The following COL9A2 variants were observed in gnomAD, a reference collection of about 807,000 sequenced individuals.
COL9A2 encodes collagen alpha-2(IX) chain.
COL9A2 carries 66 observed loss-of-function variants against 111.6 expected under a neutral mutation model. That is an observed-to-expected ratio of 0.59 (90% CI 0.48 to 0.73). The LOEUF is 0.73. COL9A2 is among the 30% of genes least tolerant of loss of function. The pLI is 0.00. For synonymous variants in COL9A2, 353 were observed against 364.1 expected, an observed-to-expected ratio of 0.97 and a Z score of 0.35; for missense variants, 881 against 954.1, an observed-to-expected ratio of 0.92 and a Z score of 1.01.
chr1:40,311,512 A>G lies in COL9A2; in HGVS notation c.507T>C (p.Ser169=). Residue 169 remains serine, a synonymous_variant, in exon 10 of 32, where the codon AGT becomes AGC. Transcript: ENST00000372748. The surrounding 1 kb of genome is among the most constrained non-coding windows in gnomAD (Gnocchi z 5.1). ...RPGTIQGLEG[S]ADFLCPTNCP... Reference sequence around the variant, plus strand: ...CCTCGTCTCTCACCAGGAAATCCGCACTGCCTTCCAGACCCTGGATGGTTC... The same window carrying G: ...CCTCGTCTCTCACCAGGAAATCCGCGCTGCCTTCCAGACCCTGGATGGTTC... 1 of 1,534,348 alleles carries G rather than the reference A, an allele frequency of 6.5e-7. No homozygotes were observed. Among genetic ancestry groups the G allele is most frequent in the African/African-American group, 1.5e-5 (1 of 68,064 alleles).
intron 19 of COL9A2, 102 bp from the exon 20 acceptor site, chr1:40,306,289 G>A: frequency 9.7e-6 from 13 of 1,339,434 alleles, no homozygotes; most frequent in South Asian, 8.3e-5. Context: ...CCCACCTGTG[G>A]GAGCTGAACA....
At position 40,303,880 on chromosome 1, in the gene COL9A2, C is replaced by T. The variant is rs1643960791; in HGVS notation, c.1369-41G>A. ...GCAGCGGTCACGAAGCCGCGGGGAC[C>T]CCGGGGCCAGCCGCCGCTCCCCGCC... is the stretch of plus-strand genomic sequence containing the variant. On this transcript the variant is annotated intron_variant, in intron 26 of 31. Coordinates refer to ENST00000372748, the MANE Select transcript of COL9A2 (RefSeq NM_001852.4). This position sits in a 1 kb window ranked among gnomAD's most constrained non-coding sequence, Gnocchi z 4.6. 6.5e-7 allele frequency: 1 copy of T among 1,549,456 alleles called. No homozygotes were observed. Among genetic ancestry groups the T allele is most frequent in the South Asian group, 1.2e-5 (1 of 84,034 alleles).
In COL9A2 at chr1:40,302,909, G is replaced by A; in HGVS notation, c.1604-100C>T. 7.7e-7 allele frequency: 1 copy of A among 1,304,566 alleles called. No individual in the cohort carries two copies. Among genetic ancestry groups the A allele is most frequent in the Non-Finnish European group, 1.1e-6 (1 of 935,876 alleles). The allele number at this position is 1,304,566 out of a possible 1,614,324, so 80.8% of individuals were successfully genotyped here. On this transcript the variant is annotated intron_variant, in intron 29 of 31. Transcript: ENST00000372748. The surrounding 1 kb of genome is among the most constrained non-coding windows in gnomAD (Gnocchi z 4.5). ...GCATTCCGATGGGCCCTGGCCCCTA[G>A]GTTTGCAGACAGAAAAGCACCACCT...
At position 40,302,598 on chromosome 1, in the gene COL9A2, G is replaced by C; in HGVS notation, c.1792+23C>G. 1 of 1,585,302 alleles carries C rather than the reference G, an allele frequency of 6.3e-7. No individual in the cohort carries two copies. On this transcript the variant is annotated intron_variant, in intron 30 of 31. Coordinates refer to ENST00000372748, the MANE Select transcript of COL9A2 (RefSeq NM_001852.4). This position sits in a 1 kb window ranked among gnomAD's most constrained non-coding sequence, Gnocchi z 4.5. ...CAAATCCTCACTGCCTGGCCCCCAT[G>C]CCCACCGCAGAGGAGCACTCACCCT...
At position 40,312,475 on chromosome 1, in the gene COL9A2, G is replaced by C; in HGVS notation, c.344C>G (p.Pro115Arg). The C allele has an allele frequency of 6.2e-7, 1 of 1,613,812 alleles. No individual in the cohort carries two copies. Among genetic ancestry groups the C allele is most frequent in the South Asian group, 1.1e-5 (1 of 91,000 alleles). ...GLPGPPGLPG[P>R]GFAGPPGPPG... is the part of the protein sequence containing the mutation. ...ACTTACAGGAGGTCCAGCAAAACCAGGGCCCTGGAACAGAAAGAAAGAAAA... is the reference window on the plus strand; with the variant it reads ...ACTTACAGGAGGTCCAGCAAAACCACGGCCCTGGAACAGAAAGAAAGAAAA... The change falls in exon 7 of 32, where the codon CCT becomes CGT. Residue 115 changes from proline to arginine, a missense_variant. Coordinates refer to ENST00000372748, the MANE Select transcript of COL9A2 (RefSeq NM_001852.4). This position sits in a 1 kb window ranked among gnomAD's most constrained non-coding sequence, Gnocchi z 6.0.
Position 40,303,557 on chromosome 1 carries a change from T to C in COL9A2, c.1521A>G (p.Pro507=). The part of the protein sequence containing the change: ...PRGLAGNRGV[P]GQPGRQGVEG... ...CCACGCCCTGTCTCCCGGGCTGTCCTGGCACGCCTCGGTTCCCGGCCAGTC... is the reference window on the plus strand; with the variant it reads ...CCACGCCCTGTCTCCCGGGCTGTCCCGGCACGCCTCGGTTCCCGGCCAGTC... Residue 507 remains proline, a synonymous_variant, in exon 28 of 32, where the codon CCA becomes CCG. Coordinates refer to ENST00000372748, the MANE Select transcript of COL9A2 (RefSeq NM_001852.4). The surrounding 1 kb of genome is among the most constrained non-coding windows in gnomAD (Gnocchi z 4.6). 6.2e-7 allele frequency: 1 copy of C among 1,612,248 alleles called. No individual in the cohort carries two copies. Among genetic ancestry groups the C allele is most frequent in the Non-Finnish European group, 8.5e-7 (1 of 1,179,646 alleles).
chr1:40,311,267 G>T lies in COL9A2; in HGVS notation c.539C>A (p.Pro180His), dbSNP rs1644119750. The T allele has an allele frequency of 2.5e-6, 4 of 1,614,102 alleles. No homozygotes were observed. Among genetic ancestry groups the T allele is most frequent in the South Asian group, 1.1e-5 (1 of 91,062 alleles). ...CAGCCCTGGGGGACCTTTCATTCCG[G>T]GTGGACAGTTGGTTGGACACTGGAA... ...ADFLCPTNCP[P>H]GMKGPPGLQG... The change falls in exon 11 of 32, where the codon CCC (proline) becomes CAC (histidine). Residue 180 changes from proline to histidine, a missense_variant. By Grantham distance (77) the Pro-to-His change is moderately conservative (BLOSUM62 -2). Transcript: ENST00000372748. The surrounding 1 kb of genome is among the most constrained non-coding windows in gnomAD (Gnocchi z 5.1).
In COL9A2 at chr1:40,316,877, G is replaced by T. The variant is rs1364330509; in HGVS notation, c.75+246C>A. Reference sequence around the variant, plus strand: ...CGCCAGCTCCTGCCCCACGCTGCCTGTCCCGGGCCGGGCCGCGCGTCTGGG... The same window carrying T: ...CGCCAGCTCCTGCCCCACGCTGCCTTTCCCGGGCCGGGCCGCGCGTCTGGG... On this transcript the variant is annotated intron_variant, in intron 1 of 31. Coordinates refer to ENST00000372748, the MANE Select transcript of COL9A2 (RefSeq NM_001852.4). The surrounding 1 kb of genome is among the most constrained non-coding windows in gnomAD (Gnocchi z 5.5). Among the ~76,000 whole-genome samples the T allele has an allele frequency of 1.3e-5, 2 of 152,196 alleles. No homozygotes were observed. Among genetic ancestry groups the T allele is most frequent in the Admixed American group, 1.3e-4 (2 of 15,288 alleles).
chr1:40,308,028 G>A (rs1644057897), intron 17 of COL9A2, among the ~76,000 whole-genome samples, 164 bp downstream of exon 17: 1 of 152,194 alleles, frequency 6.6e-6, no homozygotes, highest in South Asian at 2.1e-4. Flanking sequence ...CTGTTTACAG[G>A]TGAAGAAACT....
Position 40,305,780 on chromosome 1 carries a change from C to T in COL9A2, c.1054-12G>A. The T allele has an allele frequency of 6.2e-7, 1 of 1,613,926 alleles. No homozygotes were observed. Among genetic ancestry groups the T allele is most frequent in the South Asian group, 1.1e-5 (1 of 91,076 alleles). On this transcript the variant is annotated splice_polypyrimidine_tract_variant and intron_variant, in intron 20 of 31. Transcript: ENST00000372748. Reference sequence around the variant, plus strand: ...GGGCCCGGCTCACCCTGCAGGAAAACAGTTCTCAGGTCAGTCTGGGTGGCC... The same window carrying T: ...GGGCCCGGCTCACCCTGCAGGAAAATAGTTCTCAGGTCAGTCTGGGTGGCC...
chr1:40,315,766 C>G, intron 1 of COL9A2, 102 bp from the exon 2 acceptor site: 1 of 734,356 alleles, frequency 1.4e-6, no homozygotes. Context: ...AGGGGCGCAG[C>G]TCTTCCGCGA....
At chr1:40,304,167 G>A in intron 24 of COL9A2, 68 bp from the exon 25 acceptor site, 1 of 1,516,942 alleles carries the variant, frequency 6.6e-7, no homozygotes, top group Non-Finnish European at 8.8e-7. Flanking sequence ...CCTAACTTTC[G>A]GCCACACCCC....
rs771473898 is a variant in COL9A2, at chr1:40,312,587, G to A, written c.326C>T (p.Pro109Leu). The A allele has an allele frequency of 4.3e-6, 7 of 1,614,040 alleles. No individual in the cohort carries two copies. Among genetic ancestry groups the A allele is most frequent in the Admixed American group, 1.7e-5 (1 of 59,998 alleles). The change falls in exon 6 of 32, where the codon CCT becomes CTT. Residue 109 changes from proline (P) to leucine (L), a missense_variant. By Grantham distance (98) the Pro-to-Leu change is moderately conservative (BLOSUM62 -3). Coordinates refer to ENST00000372748, the MANE Select transcript of COL9A2 (RefSeq NM_001852.4). The surrounding 1 kb of genome is among the most constrained non-coding windows in gnomAD (Gnocchi z 6.0). The part of the protein sequence containing the change: ...GVKGQPGLPG[P>L]PGLPGPGFAG... ...GGTTGTACTCACCGGAAGGCCAGGA[G>A]GACCAGGAAGCCCGGGCTGGCCCTG...
rs1363668157 is a variant in COL9A2, at chr1:40,311,008, A to G, written c.630+85T>C. The stretch of plus-strand genomic sequence containing the variant: ...CTCTGTCCCCAGAACCCACAGGGGA[A>G]GGGGAAGGGACGAAGAAGGGGACAG... On this transcript the variant is annotated intron_variant, in intron 12 of 31. Transcript: ENST00000372748. This position sits in a 1 kb window ranked among gnomAD's most constrained non-coding sequence, Gnocchi z 5.1. 6.5e-7 allele frequency: 1 copy of G among 1,540,226 alleles called. No homozygotes were observed. Among genetic ancestry groups the G allele is most frequent in the Non-Finnish European group, 9.0e-7 (1 of 1,113,042 alleles).
In COL9A2 at chr1:40,311,429, CGTGGCCCCGCCTCCCCATCTCT is replaced by C. The variant is rs1644123754; in HGVS notation, c.519+49_519+70del. The C allele has an allele frequency of 2.5e-6, 4 of 1,583,756 alleles. No individual in the cohort carries two copies. The highest frequency in any genetic ancestry group is 1.7e-5 in the Admixed American group (1 of 59,398). On this transcript the variant is annotated intron_variant, in intron 10 of 31. Coordinates refer to ENST00000372748, the MANE Select transcript of COL9A2 (RefSeq NM_001852.4). This position sits in a 1 kb window ranked among gnomAD's most constrained non-coding sequence, Gnocchi z 5.1. ...CCATCTCTCCAGACACCCCCATCTC[CGTGGCCCCGCCTCCCCATCTCT>C]GTGGCCCCGCCCCCCTGTGTTAGCC...
chr1:40,302,034 T>C lies in COL9A2; in HGVS notation c.1793-145A>G. ...GTTGGAAATGGTCACGCAGGGCTTG[T>C]TAAATAAAGGAAGGTGCAGACAAAG... On this transcript the variant is annotated intron_variant, in intron 30 of 31. Coordinates refer to ENST00000372748, the MANE Select transcript of COL9A2 (RefSeq NM_001852.4). The surrounding 1 kb of genome is among the most constrained non-coding windows in gnomAD (Gnocchi z 4.5). 1 of 778,522 alleles carries C rather than the reference T, an allele frequency of 1.3e-6. No homozygotes were observed. Among genetic ancestry groups the C allele is most frequent in the South Asian group, 1.6e-5 (1 of 64,292 alleles). 48.2% of individuals were successfully genotyped at this position (778,522 alleles called of 1,614,324 possible). A position where few individuals can be genotyped will look rare whatever the true frequency, so the allele number is the denominator to read the frequency against.
rs146173817 is a variant in COL9A2 at position 40,300,931 on chromosome 1, G to A, written c.*251C>T. On this transcript the variant is annotated 3_prime_UTR_variant, in exon 32 of 32. Transcript: ENST00000372748. This position sits in a 1 kb window ranked among gnomAD's most constrained non-coding sequence, Gnocchi z 4.4. ...AATGATGCTCGCTGGAAGGAAAGCC[G>A]CCCTATTCCTTCAGCGCTTCGACTC... 418 of 510,340 alleles carry A rather than the reference G, an allele frequency of 8.2e-4. 3 individuals are homozygous for A. Among genetic ancestry groups the A allele is most frequent in the African/African-American group, 6.5e-3 (340 of 52,368 alleles). The allele number at this position is 510,340 out of a possible 1,614,324, so 31.6% of individuals were successfully genotyped here.
At chr1:40,306,071 G>T in intron 20 of COL9A2, 72 bp downstream of exon 20, 1 of 1,565,606 alleles carries the variant, frequency 6.4e-7, no homozygotes, top group Non-Finnish European at 8.8e-7. Context: ...CTTGGCTGAG[G>T]CCTGGGCCTT....
rs540699848 is a variant in COL9A2 at position 40,310,362 on chromosome 1, C to T, written c.685-45G>A. ...ACAGCAATGGCAATTGCAAGGCCCACTTCATGATACCTTGTCTGATGCCCA... is the reference window on the plus strand; with the variant it reads ...ACAGCAATGGCAATTGCAAGGCCCATTTCATGATACCTTGTCTGATGCCCA... On this transcript the variant is annotated intron_variant, in intron 13 of 31. Coordinates refer to ENST00000372748, the MANE Select transcript of COL9A2 (RefSeq NM_001852.4). The surrounding 1 kb of genome is among the most constrained non-coding windows in gnomAD (Gnocchi z 4.9). 6.3e-7 allele frequency: 1 copy of T among 1,585,422 alleles called. No individual in the cohort carries two copies. The highest frequency in any genetic ancestry group is 1.1e-5 in the South Asian group (1 of 90,576).
Sources: allele counts gnomAD v4.1 joint callset (sites outside exome capture counted in the v4.1 genomes callset), GRCh38; gene constraint gnomAD v4.1.1; non-coding constraint Gnocchi (gnomAD v3.1); transcripts MANE v1.5; gene names NCBI Gene and HGNC (gene_info 2026-07-23, HGNC 2026-07-21).